The following MUC7 variants were observed in gnomAD, a reference collection of about 807,000 sequenced individuals.
The protein encoded by MUC7 is mucin 7, secreted, also known as mucin-7.
A neutral mutation model predicts 2.5 loss-of-function variants in MUC7; 2 were observed. The observed-to-expected ratio is 0.81, with a 90% CI of 0.33 to 2.55. MUC7 has a LOEUF of 2.55. Among genes scored for constraint, MUC7 ranks in the 30% most tolerant of loss-of-function variants. The probability of loss-of-function intolerance (pLI) is 0.11; values close to 1 mark genes in which losing one functional copy is unlikely to be tolerated. For synonymous variants in MUC7, 133 were observed against 173.4 expected (o/e 0.77, Z 1.83); for missense variants, 408 against 455.6 (o/e 0.90, Z 0.95).
intron 1 of MUC7, among the ~76,000 whole-genome samples, chr4:70,465,016 C>G (rs1337691440): frequency 6.6e-6 from 1 of 151,922 alleles, no homozygotes; most frequent in Admixed American, 6.6e-5. Context: ...TGGCATCTGG[C>G]AAGTGCCCCT....
At chr4:70,442,673 C>T (rs2109706806) in intron 1 of MUC7, among the ~76,000 whole-genome samples, 2 of 152,278 alleles carry the variant, frequency 1.3e-5, no homozygotes, top group East Asian at 3.9e-4. Flanking sequence ...CACATGAGGG[C>T]CAAAATAAGG....
At chr4:70,459,390 T>C (rs577131782) in intron 1 of MUC7, among the ~76,000 whole-genome samples, 12 of 152,052 alleles carry the variant, frequency 7.9e-5, no homozygotes, top group East Asian at 7.7e-4. Context: ...TGAGAACACA[T>C]GGACACAGGA....
chr4:70,431,489 T>TG (rs997865072), intron 1 of MUC7, among the ~76,000 whole-genome samples: 9 of 151,896 alleles, frequency 5.9e-5, no homozygotes, highest in South Asian at 2.1e-4. Context: ...GGGTTTTTTT[T>TG]GGGGGGGTGG....
intron 1 of MUC7, among the ~76,000 whole-genome samples, chr4:70,449,704 AG>A (rs1476724545): frequency 6.6e-6 from 1 of 152,132 alleles, no homozygotes; most frequent in Admixed American, 6.5e-5. Context: ...GGGCTCATAG[AG>A]GTACTGCCTT....
chr4:70,476,774 G>A (rs537694098), intron 2 of MUC7, among the ~76,000 whole-genome samples: 2 of 152,212 alleles, frequency 1.3e-5, no homozygotes, highest in South Asian at 2.1e-4. Context: ...GTGACAGAGC[G>A]AGACTCCGTC....
chr4:70,466,072 C>T (rs1202036116), intron 1 of MUC7, among the ~76,000 whole-genome samples: 1 of 152,172 alleles, frequency 6.6e-6, no homozygotes, highest in African/African-American at 2.4e-5. Flanking sequence ...CTGCAGAAAC[C>T]CTGCAAGCCA....
intron 1 of MUC7, among the ~76,000 whole-genome samples, chr4:70,430,968 C>A (rs1733644608): frequency 6.6e-6 from 1 of 152,074 alleles, no homozygotes. Flanking sequence ...CTTCTACTGG[C>A]AAATAATTTT....
At chr4:70,434,614 T>C (rs1162872758) in intron 1 of MUC7, among the ~76,000 whole-genome samples, 1 of 152,164 alleles carries the variant, frequency 6.6e-6, no homozygotes, top group Non-Finnish European at 1.5e-5. Context: ...CTCTCTTTTC[T>C]TATTAGTCTT....
At chr4:70,452,726 T>C (rs185356693) in intron 1 of MUC7, among the ~76,000 whole-genome samples, 1 of 152,340 alleles carries the variant, frequency 6.6e-6, no homozygotes, top group Admixed American at 6.5e-5. Flanking sequence ...AGTGTATACA[T>C]CACAATTACA....
upstream of MUC7, among the ~76,000 whole-genome samples, chr4:70,471,223 C>A (rs1011367652): frequency 7.2e-5 from 11 of 152,000 alleles, 1 homozygote; most frequent in Non-Finnish European, 8.8e-5. Context: ...TATTAAGTTT[C>A]TTTTTAAAAA....
At chr4:70,476,851 A>G (rs753614761) in intron 2 of MUC7, among the ~76,000 whole-genome samples, 10 of 152,168 alleles carry the variant, frequency 6.6e-5, no homozygotes, top group Non-Finnish European at 1.3e-4. Context: ...CCACAGCCAG[A>G]AAAGGTCAGT....
intron 1 of MUC7, among the ~76,000 whole-genome samples, chr4:70,450,038 T>A (rs1734242053): frequency 1.3e-5 from 2 of 152,216 alleles, no homozygotes; most frequent in South Asian, 4.1e-4. Context: ...CCATTCAGGA[T>A]GGTGAGGTCC....
upstream of MUC7, among the ~76,000 whole-genome samples, chr4:70,468,501 T>G (rs917674845): frequency 6.6e-6 from 1 of 152,138 alleles, no homozygotes; most frequent in Non-Finnish European, 1.5e-5. Context: ...GATTGTATAT[T>G]TAGAAAACCC....
intron 1 of MUC7, among the ~76,000 whole-genome samples, chr4:70,453,218 G>A (rs560156950): frequency 6.6e-5 from 10 of 152,312 alleles, no homozygotes; most frequent in Admixed American, 1.3e-4. Flanking sequence ...TTTCAGGACA[G>A]CCAGTTCCCT....
rs149572651 is a variant in MUC7, at chr4:70,448,489, T to C, written c.-93+17802T>C. ...TTAAATAGAGTAAGGTAATATCTCATTGCAGTTTTGATTTGCATTTCTCTG... is the reference window on the plus strand; with the variant it reads ...TTAAATAGAGTAAGGTAATATCTCACTGCAGTTTTGATTTGCATTTCTCTG... On this transcript the variant is annotated intron_variant, in intron 1 of 3. Transcript: ENST00000413702. 2.3e-3 allele frequency among the ~76,000 whole-genome samples: 348 copies of C among 152,326 alleles called. 4 individuals carry two copies. The highest frequency in any genetic ancestry group is 8.0e-3 in the African/African-American group (333 of 41,586).
intron 1 of MUC7, among the ~76,000 whole-genome samples, chr4:70,433,998 A>G (rs1282298916): frequency 1.3e-5 from 2 of 151,982 alleles, no homozygotes; most frequent in Admixed American, 1.3e-4. Flanking sequence ...GATTTTTGTC[A>G]TTGGTTCTGT....
At chr4:70,478,025 A>G (rs924467443) in intron 2 of MUC7, among the ~76,000 whole-genome samples, 5 of 151,206 alleles carry the variant, frequency 3.3e-5, no homozygotes, top group Admixed American at 3.3e-4. Flanking sequence ...CTAGTCTACA[A>G]TTTCTGTTAT....
intron 1 of MUC7, among the ~76,000 whole-genome samples, chr4:70,473,660 C>T (rs971017214): frequency 1.3e-5 from 2 of 152,094 alleles, no homozygotes; most frequent in African/African-American, 4.8e-5. Flanking sequence ...GGGGAGCTTC[C>T]TGAATTAGAA....
chr4:70,442,059 CAA>C (rs1734022106), intron 1 of MUC7, among the ~76,000 whole-genome samples: 1 of 152,138 alleles, frequency 6.6e-6, no homozygotes, highest in South Asian at 2.1e-4. Flanking sequence ...TGAAAAGATA[CAA>C]AGATATTTAG....
Sources: gnomAD v4.1 joint callset for allele counts (sites outside exome capture counted in the v4.1 genomes callset) on GRCh38, gnomAD v4.1.1 for gene constraint, MANE v1.5 for transcripts, NCBI Gene and HGNC (gene_info 2026-07-23, HGNC 2026-07-21) for gene names.